Variants in EVPLL observed in about 807,000 individuals in gnomAD.
EVPLL encodes the protein envoplakin like.
Under a neutral mutation model 46.2 loss-of-function variants are expected in EVPLL, and 39 were observed. The observed-to-expected ratio is 0.84, with a 90% CI of 0.65 to 1.10. The LOEUF (loss-of-function observed/expected upper bound fraction) is 1.10, where lower values mean the gene tolerates loss of function less well. EVPLL is among the 50% of genes least tolerant of loss of function. EVPLL has a pLI of 0.00. For missense variants in EVPLL, 385 were observed against 412.6 expected, an observed-to-expected ratio of 0.93 and a Z score of 0.58; for synonymous variants, 156 against 165.8, an observed-to-expected ratio of 0.94 and a Z score of 0.46.
At chr17:18,387,543 T>TG (rs377427511) in intron 9 of EVPLL, among the ~76,000 whole-genome samples, 1 of 134,598 alleles carries the variant, frequency 7.4e-6, no homozygotes, top group Middle Eastern at 3.3e-3. Context: ...TACTCAGCTT[T>TG]CCACTGCAGC....
Position 18,377,872 on chromosome 17 carries a change from C to T in EVPLL, c.-148C>T. 1.0e-6 allele frequency: 1 copy of T among 996,040 alleles called. No individual in the cohort carries two copies. The highest frequency in any genetic ancestry group is 1.5e-6 in the Non-Finnish European group (1 of 674,908). The allele number at this position is 996,040 out of a possible 1,614,324, so 61.7% of individuals were successfully genotyped here. ...AGCCAAGCCCAGCCTGAGCCAGCACCTGCCTTTATGACCATGTTCAAGGGA... is the reference window on the plus strand; with the variant it reads ...AGCCAAGCCCAGCCTGAGCCAGCACTTGCCTTTATGACCATGTTCAAGGGA... On this transcript the variant is annotated 5_prime_UTR_variant, in exon 1 of 11. Transcript: ENST00000399134.
chr17:18,381,371 G>T lies in EVPLL; in HGVS notation c.68G>T (p.Arg23Leu), dbSNP rs745411632. ...LETQKRLQQD[R>L]LNSEQSQALQ... The stretch of plus-strand genomic sequence containing the variant: ...CTGCCCATCCCCTGCCCACAGGACC[G>T]GCTGAACAGTGAGCAGAGCCAGGCC... The change falls in exon 3 of 11, where the codon CGG becomes CTG. Residue 23 changes from arginine to leucine, a missense_variant. Arg to Leu is a moderately radical substitution (Grantham distance 102, BLOSUM62 -2). Transcript: ENST00000399134. The surrounding 1 kb of genome is among the most constrained non-coding windows in gnomAD (Gnocchi z 4.2). 2 of 1,563,218 alleles carry T rather than the reference G, an allele frequency of 1.3e-6. No individual in the cohort carries two copies. The highest frequency in any genetic ancestry group is 2.3e-5 in the South Asian group (2 of 86,072).
Position 18,382,873 on chromosome 17 carries a change from G to A in EVPLL, c.511+9G>A, listed in dbSNP as rs1203160077. ...AATACCGAGACCTACTGGTGAGCAG[G>A]AGGGAGGGTCGGGCAGGGTGGCTGC... On this transcript the variant is annotated intron_variant, in intron 6 of 10. Transcript: ENST00000399134. 9 of 1,612,870 alleles carry A rather than the reference G, an allele frequency of 5.6e-6. No homozygotes were observed. The highest frequency in any genetic ancestry group is 7.6e-6 in the Non-Finnish European group (9 of 1,179,552).
chr17:18,381,826 T>C lies in EVPLL; in HGVS notation c.346+96T>C. The stretch of plus-strand genomic sequence containing the variant: ...ACTGTAGGCTTGAACAGTCAGTGTA[T>C]AGTGGTGTCTCAGGGGTCTGGGCAG... On this transcript the variant is annotated intron_variant, in intron 4 of 10. Coordinates refer to ENST00000399134, the MANE Select transcript of EVPLL (RefSeq NM_001145127.2). The surrounding 1 kb of genome is among the most constrained non-coding windows in gnomAD (Gnocchi z 4.2). 1 of 1,575,848 alleles carries C rather than the reference T, an allele frequency of 6.3e-7. No homozygotes were observed.
Position 18,381,335 on chromosome 17 carries a change from C to T in EVPLL, c.64-32C>T, listed in dbSNP as rs375878972. 6.6e-7 allele frequency: 1 copy of T among 1,524,598 alleles called. No homozygotes were observed. The highest frequency in any genetic ancestry group is 2.5e-5 in the East Asian group (1 of 40,526). 94.4% of individuals were successfully genotyped at this position (1,524,598 alleles called of 1,614,324 possible). ...GCAGCAGGGGTGTGGGGGCTCTGGA[C>T]CCTGGCAAGTCTGCCCATCCCCTGC... On this transcript the variant is annotated intron_variant, in intron 2 of 10. Coordinates refer to ENST00000399134, the MANE Select transcript of EVPLL (RefSeq NM_001145127.2). The surrounding 1 kb of genome is among the most constrained non-coding windows in gnomAD (Gnocchi z 4.2).
intron 1 of EVPLL, among the ~76,000 whole-genome samples, chr17:18,378,229 C>G (rs1277730601): frequency 6.6e-6 from 1 of 152,226 alleles, no homozygotes; most frequent in Non-Finnish European, 1.5e-5. Context: ...TCTAAGGGGG[C>G]CTGTGGGCCA....
rs1347556766 is a variant in EVPLL at position 18,381,451 on chromosome 17, A to G, written c.148A>G (p.Lys50Glu). Reference protein sequence around the residue: ...SSLKEAEVLLKDLFLDVDKAR... With the variant: ...SSLKEAEVLLEDLFLDVDKAR... Reference sequence around the variant, plus strand: ...CCTGAAGGAGGCCGAGGTGCTGCTCAAGGACCTCTTCCTGGACGTGGACAA... The same window carrying G: ...CCTGAAGGAGGCCGAGGTGCTGCTCGAGGACCTCTTCCTGGACGTGGACAA... Residue 50 changes from lysine (K) to glutamate (E), a missense_variant, in exon 3 of 11, where the codon AAG (lysine) becomes GAG (glutamate). Transcript: ENST00000399134. This position sits in a 1 kb window ranked among gnomAD's most constrained non-coding sequence, Gnocchi z 4.2. 1 of 1,613,540 alleles carries G rather than the reference A, an allele frequency of 6.2e-7. No individual in the cohort carries two copies. Among genetic ancestry groups the G allele is most frequent in the East Asian group, 2.2e-5 (1 of 44,866 alleles).
rs536647906 is a variant in EVPLL at position 18,383,250 on chromosome 17, C to T, written c.673-21C>T. 46 of 1,563,388 alleles carry T rather than the reference C, an allele frequency of 2.9e-5. No individual in the cohort carries two copies. The South Asian group carries it at 4.8e-4, about 16-fold the overall frequency. ...GGCCATCCTGGTCCTCACCGCCGCT[C>T]CCCACCCGACTCGCCCCCAGCACTT... On this transcript the variant is annotated intron_variant, in intron 7 of 10. Transcript: ENST00000399134.
intron 9 of EVPLL, among the ~76,000 whole-genome samples, chr17:18,385,956 G>C (rs1379387348): frequency 6.6e-6 from 1 of 152,168 alleles, no homozygotes; most frequent in Non-Finnish European, 1.5e-5. Context: ...GGTATAGACA[G>C]GAAGCCTGAG....
rs1987560273 is a variant in EVPLL, at chr17:18,381,283, A to G, written c.64-84A>G. 1 of 1,464,810 alleles carries G rather than the reference A, an allele frequency of 6.8e-7. No homozygotes were observed. The allele number at this position is 1,464,810 out of a possible 1,614,324, so 90.7% of individuals were successfully genotyped here. The stretch of plus-strand genomic sequence containing the variant: ...TTGGCCAGCATAGCTGGGGTCCCAA[A>G]GGTGGGGCTCAGGCCCACAATGATG... On this transcript the variant is annotated intron_variant, in intron 2 of 10. Transcript: ENST00000399134. This position sits in a 1 kb window ranked among gnomAD's most constrained non-coding sequence, Gnocchi z 4.2.
At position 18,381,861 on chromosome 17, in the gene EVPLL, A is replaced by C; in HGVS notation, c.346+131A>C. 3 of 1,421,492 alleles carry C rather than the reference A, an allele frequency of 2.1e-6. No individual in the cohort carries two copies. The highest frequency in any genetic ancestry group is 2.9e-6 in the Non-Finnish European group (3 of 1,040,740). 88.1% of individuals were successfully genotyped at this position (1,421,492 alleles called of 1,614,324 possible). A position where few individuals can be genotyped will look rare whatever the true frequency, so the allele number is the denominator to read the frequency against. On this transcript the variant is annotated intron_variant, in intron 4 of 10. Coordinates refer to ENST00000399134, the MANE Select transcript of EVPLL (RefSeq NM_001145127.2). The surrounding 1 kb of genome is among the most constrained non-coding windows in gnomAD (Gnocchi z 4.2). ...TCAGGGGTCTGGGCAGGGAGACAGCAGAGGAGACAGTGCAGTCAGGGAAGA... is the reference window on the plus strand; with the variant it reads ...TCAGGGGTCTGGGCAGGGAGACAGCCGAGGAGACAGTGCAGTCAGGGAAGA...
At chr17:18,384,657 G>A (rs555175255) in intron 9 of EVPLL, among the ~76,000 whole-genome samples, 14 of 150,546 alleles carry the variant, frequency 9.3e-5, no homozygotes, top group East Asian at 2.0e-4. Flanking sequence ...ACTTGAGCCC[G>A]GGAAGTCGAG....
intron 4 of EVPLL, chr17:18,382,035 G>A: frequency 2.1e-6 from 1 of 465,364 alleles, no homozygotes; most frequent in South Asian, 2.5e-5. Flanking sequence ...GGGAAGTGGG[G>A]ATTTCTGGCC....
At chr17:18,387,004 C>T (rs192313259) in intron 9 of EVPLL, among the ~76,000 whole-genome samples, 73 of 149,472 alleles carry the variant, frequency 4.9e-4, no homozygotes, top group African/African-American at 1.6e-3. Flanking sequence ...ATGCCATTCT[C>T]CTGCCTCAGC....
rs1254319917 is a variant in EVPLL, at chr17:18,381,327, G to A, written c.64-40G>A. On this transcript the variant is annotated intron_variant, in intron 2 of 10. Transcript: ENST00000399134. The surrounding 1 kb of genome is among the most constrained non-coding windows in gnomAD (Gnocchi z 4.2). Reference sequence around the variant, plus strand: ...AATGATGGGCAGCAGGGGTGTGGGGGCTCTGGACCCTGGCAAGTCTGCCCA... The same window carrying A: ...AATGATGGGCAGCAGGGGTGTGGGGACTCTGGACCCTGGCAAGTCTGCCCA... 21 of 1,516,878 alleles carry A rather than the reference G, an allele frequency of 1.4e-5. No homozygotes were observed. Among genetic ancestry groups the A allele is most frequent in the Non-Finnish European group, 1.8e-5 (20 of 1,128,228 alleles). The allele number at this position is 1,516,878 out of a possible 1,614,324, so 94.0% of individuals were successfully genotyped here. A position where few individuals can be genotyped will look rare whatever the true frequency, so the allele number is the denominator to read the frequency against.
In EVPLL at chr17:18,381,222, CT is replaced by C; in HGVS notation, c.64-144del. On this transcript the variant is annotated intron_variant, in intron 2 of 10. Coordinates refer to ENST00000399134, the MANE Select transcript of EVPLL (RefSeq NM_001145127.2). The surrounding 1 kb of genome is among the most constrained non-coding windows in gnomAD (Gnocchi z 4.2). The stretch of plus-strand genomic sequence containing the variant: ...CTTTGTCACCTGCCTCATGGACGCC[CT>C]GGGCCTGACCCTGTGCCTGGCGTGG... 1 of 1,374,168 alleles carries C rather than the reference CT, an allele frequency of 7.3e-7. No individual in the cohort carries two copies. Among genetic ancestry groups the C allele is most frequent in the African/African-American group, 1.5e-5 (1 of 68,800 alleles). 85.1% of individuals were successfully genotyped at this position (1,374,168 alleles called of 1,614,324 possible).
At position 18,383,025 on chromosome 17, in the gene EVPLL, A is replaced by C; in HGVS notation, c.512A>C (p.Glu171Ala). ...HHPEPIPRPTEGGVVARAEPG... is the reference protein window; with the variant it reads ...HHPEPIPRPTAGGVVARAEPG... ...TGCTGGCGGCGGGTCCTGAGCACAG[A>C]GGGCGGCGTCGTGGCGCGGGCAGAG... Residue 171 changes from glutamate to alanine, a missense_variant and splice_region_variant, in exon 7 of 11, where the codon GAG becomes GCG. By Grantham distance (107) the Glu-to-Ala change is moderately radical. Coordinates refer to ENST00000399134, the MANE Select transcript of EVPLL (RefSeq NM_001145127.2). 13 of 1,558,464 alleles carry C rather than the reference A, an allele frequency of 8.3e-6. No homozygotes were observed. The highest frequency in any genetic ancestry group is 1.1e-5 in the Non-Finnish European group (13 of 1,157,546).
chr17:18,381,948 G>A lies in EVPLL; in HGVS notation c.346+218G>A, dbSNP rs1428768278. On this transcript the variant is annotated intron_variant, in intron 4 of 10. Coordinates refer to ENST00000399134, the MANE Select transcript of EVPLL (RefSeq NM_001145127.2). The surrounding 1 kb of genome is among the most constrained non-coding windows in gnomAD (Gnocchi z 4.2). ...GGGGTGAGAGGGCTCGGTTGGGTCAGGGTGAAGTAGTGAGGAGAGGACAAT... is the reference window on the plus strand; with the variant it reads ...GGGGTGAGAGGGCTCGGTTGGGTCAAGGTGAAGTAGTGAGGAGAGGACAAT... 1 of 682,512 alleles carries A rather than the reference G, an allele frequency of 1.5e-6. No homozygotes were observed. The allele number at this position is 682,512 out of a possible 1,614,324, so 42.3% of individuals were successfully genotyped here. A position where few individuals can be genotyped will look rare whatever the true frequency, so the allele number is the denominator to read the frequency against.
At chr17:18,387,548 T>C (rs1270304704) in intron 9 of EVPLL, among the ~76,000 whole-genome samples, 1 of 138,520 alleles carries the variant, frequency 7.2e-6, no homozygotes, top group Non-Finnish European at 1.6e-5. Context: ...AGCTTTCCAC[T>C]GCAGCCCCAA....
Sources: gnomAD v4.1 joint callset for allele counts (sites outside exome capture counted in the v4.1 genomes callset) on GRCh38, gnomAD v4.1.1 for gene constraint, Gnocchi (gnomAD v3.1) non-coding constraint, MANE v1.5 for transcripts, NCBI Gene and HGNC (gene_info 2026-07-23, HGNC 2026-07-21) for gene names.